The following TEX11 variants were observed in gnomAD, a reference collection of about 807,000 sequenced individuals.
TEX11 encodes the protein testis-expressed protein 11.
TEX11 carries 7 observed loss-of-function variants against 84.4 expected under a neutral mutation model. The observed-to-expected ratio is 0.08, with a 90% CI of 0.05 to 0.16. The LOEUF is 0.16. Ranked by LOEUF, TEX11 falls within the 10% of genes least tolerant of loss-of-function variation. TEX11 has a pLI of 1.00. For synonymous variants in TEX11, 264 were observed against 222.8 expected (o/e 1.18, Z -1.64); for missense variants, 551 against 660.5 (o/e 0.83, Z 1.82).
intron 25 of TEX11, among the ~76,000 whole-genome samples, chrX:70,565,807 C>A (rs2088462229): frequency 1.8e-5 from 2 of 111,397 alleles, no homozygotes; most frequent in Admixed American, 9.6e-5. Context: ...GTTACTGTAG[C>A]CTTGTAGTAT....
At chrX:70,804,145 A>G (rs2091205024) in intron 9 of TEX11, among the ~76,000 whole-genome samples, 1 of 112,376 alleles carries the variant, frequency 8.9e-6, no homozygotes, top group African/African-American at 3.2e-5. Context: ...GTCCATCTCT[A>G]ATAAATAGCA....
chrX:70,554,879 G>C (rs1034099986), intron 25 of TEX11, 79 bp from the exon 26 acceptor site: 1 of 931,684 alleles, frequency 1.1e-6, no homozygotes, highest in Non-Finnish European at 1.4e-6. Context: ...ACTAACTGGA[G>C]AGGTTTTCCT....
chrX:70,683,108 T>G (rs2090159758), intron 13 of TEX11, among the ~76,000 whole-genome samples: 1 of 111,548 alleles, frequency 9.0e-6, no homozygotes, highest in Non-Finnish European at 1.9e-5. Context: ...GATTGCAAGC[T>G]TTAAAAATTG....
chrX:70,605,359 G>C (rs1041990562), intron 24 of TEX11, 42 bp downstream of exon 24: 2 of 911,260 alleles, frequency 2.2e-6, no homozygotes, highest in Non-Finnish European at 1.6e-6. Flanking sequence ...ATATCAAATA[G>C]CACACTGAAC....
At chrX:70,736,487 T>C (rs1168314470) in intron 11 of TEX11, among the ~76,000 whole-genome samples, 1 of 110,000 alleles carries the variant, frequency 9.1e-6, no homozygotes, top group Admixed American at 9.8e-5. Context: ...TGAGTTTTTT[T>C]CTTTTATCTA....
intron 10 of TEX11, 147 bp downstream of exon 10, chrX:70,744,018 T>TCA: frequency 4.4e-6 from 1 of 227,689 alleles, no homozygotes; most frequent in Non-Finnish European, 7.9e-6. Flanking sequence ...ATTATATAAA[T>TCA]ATACAAAAAC....
intron 17 of TEX11, among the ~76,000 whole-genome samples, chrX:70,644,202 C>A (rs2089707571): frequency 9.8e-6 from 1 of 102,235 alleles, no homozygotes; most frequent in African/African-American, 3.5e-5. Context: ...CAGAGAAATG[C>A]AAATCAAAAC....
intron 17 of TEX11, among the ~76,000 whole-genome samples, chrX:70,639,479 CA>C (rs1233470652): frequency 2.7e-5 from 3 of 112,316 alleles, no homozygotes; most frequent in Non-Finnish European, 3.8e-5. Flanking sequence ...CACAGACAAA[CA>C]AAAAGACAGC....
the TEX11 span, among the ~76,000 whole-genome samples, chrX:70,517,231 C>T: frequency 1.8e-5 from 2 of 111,405 alleles, no homozygotes; most frequent in Admixed American, 9.6e-5. Flanking sequence ...CAGTGTTTGC[C>T]CATTCAGTAT....
At chrX:70,840,128 A>C (rs2091433176) in intron 7 of TEX11, among the ~76,000 whole-genome samples, 1 of 111,422 alleles carries the variant, frequency 9.0e-6, no homozygotes, top group Non-Finnish European at 1.9e-5. Flanking sequence ...AATACAGAGA[A>C]CACCACAAAG....
chrX:70,800,778 G>C (rs769009026), intron 9 of TEX11, among the ~76,000 whole-genome samples: 4 of 101,204 alleles, frequency 4.0e-5, no homozygotes, highest in Non-Finnish European at 7.9e-5. Context: ...CTGCAGCCTC[G>C]ACCTCCTGGG....
intron 8 of TEX11, among the ~76,000 whole-genome samples, chrX:70,826,161 A>G (rs1009601764): frequency 9.1e-6 from 1 of 109,794 alleles, no homozygotes; most frequent in Non-Finnish European, 1.9e-5. Context: ...AATACAAAAA[A>G]GTAGCTGGGC....
intron 25 of TEX11, among the ~76,000 whole-genome samples, chrX:70,566,048 C>A (rs1379676330): frequency 9.2e-6 from 1 of 109,190 alleles, no homozygotes; most frequent in African/African-American, 3.4e-5. Flanking sequence ...ATGGAATGTT[C>A]TTCCATTTGT....
intron 24 of TEX11, among the ~76,000 whole-genome samples, chrX:70,599,751 T>TGAGTGAGA (rs2089067447): frequency 9.9e-6 from 1 of 100,867 alleles, no homozygotes; most frequent in Admixed American, 1.1e-4. Context: ...TACCCACCTA[T>TGAGTGAGA]GAGTGAGAAT....
chrX:70,671,910 T>TATATATAG (rs57166359), intron 15 of TEX11, among the ~76,000 whole-genome samples: 34 of 67,972 alleles, frequency 5.0e-4, no homozygotes, highest in East Asian at 4.1e-3. Flanking sequence ...TATATATATA[T>TATATATAG]ACACACACAC....
chrX:70,651,577 T>C (rs1176469624), intron 16 of TEX11, 25 bp from the exon 17 acceptor site: 1 of 1,114,353 alleles, frequency 9.0e-7, no homozygotes, highest in Non-Finnish European at 1.2e-6. Context: ...ACTGGGTCAT[T>C]TTAATAAAAT....
chrX:70,828,919 C>G (rs1288318837), intron 8 of TEX11, among the ~76,000 whole-genome samples: 1 of 111,293 alleles, frequency 9.0e-6, no homozygotes, highest in Non-Finnish European at 1.9e-5. Context: ...AGAAACTTTA[C>G]AGGCCAGGAA....
chrX:70,874,941 G>A (rs1334962162), intron 3 of TEX11, among the ~76,000 whole-genome samples: 3 of 109,818 alleles, frequency 2.7e-5, no homozygotes, highest in Admixed American at 9.7e-5. Context: ...TTGGGAGGCC[G>A]AGGCGGTCGG....
intron 9 of TEX11, among the ~76,000 whole-genome samples, chrX:70,784,323 G>A (rs778390908): frequency 1.7e-4 from 19 of 111,124 alleles, no homozygotes; most frequent in African/African-American, 4.3e-4. Context: ...TTGATGGAAC[G>A]TATCTCAAAA....
Sources: gnomAD v4.1 joint callset for allele counts (sites outside exome capture counted in the v4.1 genomes callset) on GRCh38, gnomAD v4.1.1 for gene constraint, MANE v1.5 for transcripts, NCBI Gene and HGNC (gene_info 2026-07-23, HGNC 2026-07-21) for gene names.